KCND2: variants seen among roughly 807,000 people sequenced by gnomAD.
KCND2 encodes potassium voltage-gated channel subfamily D member 2, also known as A-type voltage-gated potassium channel KCND2.
Under a neutral mutation model 54.4 loss-of-function variants are expected in KCND2, and 16 were observed. The ratio of observed to expected loss-of-function variants is 0.29; its 90% CI spans 0.20 to 0.45. The LOEUF is 0.45. Ranked by LOEUF, KCND2 falls within the 20% of genes least tolerant of loss-of-function variation. The pLI, the probability that KCND2 is intolerant of heterozygous loss-of-function variation, is 1.00. For synonymous variants in KCND2, 317 were observed against 310.7 expected (o/e 1.02, Z -0.21); for missense variants, 486 against 824.2 (o/e 0.59, Z 5.02).
intron 1 of KCND2, among the ~76,000 whole-genome samples, chr7:120,335,254 T>C (rs1165252899): frequency 6.7e-6 from 1 of 149,434 alleles, no homozygotes; most frequent in Admixed American, 6.7e-5. Flanking sequence ...TCCTAGCTAC[T>C]CTGGAAGCTG....
chr7:120,737,793 A>G (rs1294926803), intron 2 of KCND2, among the ~76,000 whole-genome samples: 1 of 152,054 alleles, frequency 6.6e-6, no homozygotes, highest in Non-Finnish European at 1.5e-5. Context: ...GGGAGTGTGG[A>G]GGCAGGCATT....
At chr7:120,352,302 G>C (rs926053665) in intron 1 of KCND2, among the ~76,000 whole-genome samples, 2 of 151,472 alleles carry the variant, frequency 1.3e-5, no homozygotes, top group African/African-American at 4.9e-5. Context: ...TTTAAAATCC[G>C]AAGGAAGCAA....
intron 1 of KCND2, among the ~76,000 whole-genome samples, chr7:120,469,455 G>A (rs1211895941): frequency 6.6e-6 from 1 of 151,994 alleles, no homozygotes; most frequent in African/African-American, 2.4e-5. Context: ...TTCATTCTTA[G>A]CTCCCCAGTG....
chr7:120,400,975 G>A (rs570018781), intron 1 of KCND2, among the ~76,000 whole-genome samples: 1 of 151,600 alleles, frequency 6.6e-6, no homozygotes, highest in South Asian at 2.1e-4. Context: ...AAAAAAAGAA[G>A]AAGAAGACCT....
intron 1 of KCND2, among the ~76,000 whole-genome samples, chr7:120,720,143 C>T (rs1300766042): frequency 6.6e-6 from 1 of 152,032 alleles, no homozygotes; most frequent in Admixed American, 6.6e-5. Context: ...TTCGAGTGTA[C>T]CCTAGAAGAA....
At chr7:120,577,294 C>G (rs1584835916) in intron 1 of KCND2, among the ~76,000 whole-genome samples, 2 of 152,160 alleles carry the variant, frequency 1.3e-5, no homozygotes, top group Non-Finnish European at 2.9e-5. Flanking sequence ...ATACTTTGAA[C>G]TCATGGAAAT....
chr7:120,662,337 T>C (rs1256669698), intron 1 of KCND2, among the ~76,000 whole-genome samples: 2 of 152,208 alleles, frequency 1.3e-5, no homozygotes. Flanking sequence ...TAGAATAGTA[T>C]TGTTTTTAAT....
chr7:120,299,066 A>G (rs1292653278), intron 1 of KCND2, among the ~76,000 whole-genome samples: 1 of 152,150 alleles, frequency 6.6e-6, no homozygotes, highest in Non-Finnish European at 1.5e-5. Flanking sequence ...AAACTGAGGC[A>G]GGAGAATCAC....
chr7:120,505,750 G>A (rs964863433), intron 1 of KCND2, among the ~76,000 whole-genome samples: 11 of 151,682 alleles, frequency 7.3e-5, no homozygotes, highest in Non-Finnish European at 1.6e-4. Flanking sequence ...CAGAGTCAGT[G>A]CAACACATAA....
At chr7:120,720,133 T>C (rs1028930585) in intron 1 of KCND2, among the ~76,000 whole-genome samples, 1 of 152,148 alleles carries the variant, frequency 6.6e-6, no homozygotes, top group Non-Finnish European at 1.5e-5. Flanking sequence ...ACTAAAAAGC[T>C]TCGAGTGTAC....
At chr7:120,466,217 C>T (rs1461188452) in intron 1 of KCND2, among the ~76,000 whole-genome samples, 2 of 152,038 alleles carry the variant, frequency 1.3e-5, no homozygotes, top group African/African-American at 2.4e-5. Flanking sequence ...GTTAATTAGG[C>T]AATCAATAAT....
rs869059871 is a variant in KCND2, at chr7:120,712,241, A to ATTTTTTTTTTTTTTT, written c.1116-20636_1116-20622dup. On this transcript the variant is annotated intron_variant, in intron 1 of 5. Coordinates refer to ENST00000331113, the MANE Select transcript of KCND2 (RefSeq NM_012281.3). ...TTTTCTTTGAATTTTGGATATCTGA[A>ATTTTTTTTTTTTTTT]TTTTTTTTTTTTTTTTTTTTTTTTT... Among the ~76,000 whole-genome samples, 24 of 34,782 alleles carry ATTTTTTTTTTTTTTT rather than the reference A, an allele frequency of 6.9e-4. 10 individuals are homozygous for ATTTTTTTTTTTTTTT. The highest frequency in any genetic ancestry group is 0.053 in the Middle Eastern group (2 of 38). The allele number at this position is 34,782 out of a possible 152,430, so 22.8% of individuals were successfully genotyped here.
chr7:120,354,310 G>A (rs985187081), intron 1 of KCND2, among the ~76,000 whole-genome samples: 2 of 152,062 alleles, frequency 1.3e-5, no homozygotes, highest in Admixed American at 1.3e-4. Flanking sequence ...TTGAAGATGT[G>A]TTTTCTATAT....
chr7:120,326,487 A>G (rs1799981427), intron 1 of KCND2, among the ~76,000 whole-genome samples: 1 of 152,110 alleles, frequency 6.6e-6, no homozygotes, highest in African/African-American at 2.4e-5. Flanking sequence ...ATGTGTGTAA[A>G]CATTCATGCA....
intron 1 of KCND2, among the ~76,000 whole-genome samples, chr7:120,698,016 T>C (rs1792352312): frequency 1.4e-5 from 2 of 146,478 alleles, no homozygotes; most frequent in Non-Finnish European, 3.0e-5. Flanking sequence ...GATATATAGA[T>C]TTGCCCTTTT....
chr7:120,489,671 C>T (rs1334082469), intron 1 of KCND2, among the ~76,000 whole-genome samples: 2 of 152,152 alleles, frequency 1.3e-5, no homozygotes, highest in Non-Finnish European at 2.9e-5. Flanking sequence ...CACTCACTCA[C>T]GTCCTATCAA....
chr7:120,676,597 C>A (rs1053736772), intron 1 of KCND2, among the ~76,000 whole-genome samples: 1 of 152,094 alleles, frequency 6.6e-6, no homozygotes, highest in Non-Finnish European at 1.5e-5. Flanking sequence ...CTTCATATTT[C>A]TATTGATTAT....
intron 1 of KCND2, among the ~76,000 whole-genome samples, chr7:120,359,529 A>G (rs1800562100): frequency 6.6e-6 from 1 of 152,174 alleles, no homozygotes; most frequent in Admixed American, 6.6e-5. Flanking sequence ...TCTATTTTGT[A>G]TAAATGGTAA....
At chr7:120,429,133 C>T (rs1801756796) in intron 1 of KCND2, among the ~76,000 whole-genome samples, 1 of 152,134 alleles carries the variant, frequency 6.6e-6, no homozygotes, top group Non-Finnish European at 1.5e-5. Flanking sequence ...GTACACAGAC[C>T]TCTAGGGGGT....
Sources: gnomAD v4.1 joint callset for allele counts (sites outside exome capture counted in the v4.1 genomes callset) on GRCh38, gnomAD v4.1.1 for gene constraint, MANE v1.5 for transcripts, NCBI Gene and HGNC (gene_info 2026-07-23, HGNC 2026-07-21) for gene names.